Variants in CYP26A1 observed in about 807,000 individuals in gnomAD.
CYP26A1 encodes the protein cytochrome P450 26A1.
Under a neutral mutation model 47.4 loss-of-function variants are expected in CYP26A1, and 46 were observed. The observed-to-expected ratio is 0.97, with a 90% CI of 0.77 to 1.24. The LOEUF is 1.24. Among genes scored for constraint, CYP26A1 ranks in the 50% most tolerant of loss-of-function variants. The pLI is 0.00. For synonymous variants in CYP26A1, 277 were observed against 263.7 expected, an observed-to-expected ratio of 1.05 and a Z score of -0.49; for missense variants, 680 against 644.4, an observed-to-expected ratio of 1.06 and a Z score of -0.60.
At position 93,076,833 on chromosome 10, in the gene CYP26A1, C is replaced by CCA. The variant is rs1325111494; in HGVS notation, c.1153-128_1153-127dup. On this transcript the variant is annotated intron_variant, in intron 6 of 6. Transcript: ENST00000224356. ...GGAGATATGTTTCAGCAACCTGGATCCACCTCTCTCTTTCTACCTCTCCCT... is the reference window on the plus strand; with the variant it reads ...GGAGATATGTTTCAGCAACCTGGATCCACACCTCTCTCTTTCTACCTCTCCCT... 385 of 897,090 alleles carry CCA rather than the reference C, an allele frequency of 4.3e-4. 1 individual carries two copies. The highest frequency in any genetic ancestry group is 5.7e-4 in the Non-Finnish European group (333 of 586,710). 55.6% of individuals were successfully genotyped at this position (897,090 alleles called of 1,614,324 possible). A position where few individuals can be genotyped will look rare whatever the true frequency, so the allele number is the denominator to read the frequency against.
At position 93,074,484 on chromosome 10, in the gene CYP26A1, T is replaced by C. The variant is rs757781951; in HGVS notation, c.366T>C (p.Ser122=). 3 of 1,611,950 alleles carry C rather than the reference T, an allele frequency of 1.9e-6. No individual in the cohort carries two copies. The South Asian group carries it at 3.3e-5, about 18-fold the overall frequency. ...CGTCGGTGCGCACCATTCTGGGATCTGGCTGCCTCTCTAACCTGCACGACT... is the reference window on the plus strand; with the variant it reads ...CGTCGGTGCGCACCATTCTGGGATCCGGCTGCCTCTCTAACCTGCACGACT... The part of the protein sequence containing the change: ...WPASVRTILG[S]GCLSNLHDSS... Residue 122 remains serine, a synonymous_variant, in exon 2 of 7, where the codon TCT becomes TCC. Transcript: ENST00000224356. The surrounding 1 kb of genome is among the most constrained non-coding windows in gnomAD (Gnocchi z 5.3).
In CYP26A1 at chr10:93,075,912, G is replaced by T. The variant is rs1372195320; in HGVS notation, c.951G>T (p.Gly317=). ...SAATSLITYL[G]LYPHVLQKVR... ...CCACATCTCTGATCACTTACCTGGG[G>T]CTCTACCCACATGTTCTCCAGAAAG... The change falls in exon 5 of 7, where the codon GGG becomes GGT. Residue 317 remains glycine (G), a synonymous_variant. Coordinates refer to ENST00000224356, the MANE Select transcript of CYP26A1 (RefSeq NM_000783.4). The T allele has an allele frequency of 8.1e-6, 13 of 1,612,232 alleles. No homozygotes were observed. The South Asian group carries it at 1.4e-4, about 18-fold the overall frequency.
At position 93,077,351 on chromosome 10, in the gene CYP26A1, A is replaced by G. The variant is rs1275931469; in HGVS notation, c.*47A>G. The G allele has an allele frequency of 2.7e-6, 3 of 1,092,864 alleles. No homozygotes were observed. Among genetic ancestry groups the G allele is most frequent in the Non-Finnish European group, 3.8e-6 (3 of 780,012 alleles). The allele number at this position is 1,092,864 out of a possible 1,614,324, so 67.7% of individuals were successfully genotyped here. A position where few individuals can be genotyped will look rare whatever the true frequency, so the allele number is the denominator to read the frequency against. On this transcript the variant is annotated 3_prime_UTR_variant, in exon 7 of 7. Transcript: ENST00000224356. ...GAGACTTATTGGAAGTGTACATATG[A>G]GTTTTTAAGGAGTGTTGTGTTGACT...
In CYP26A1 at chr10:93,074,619, C is replaced by A; in HGVS notation, c.414+87C>A. 1 of 1,098,738 alleles carries A rather than the reference C, an allele frequency of 9.1e-7. No individual in the cohort carries two copies. Among genetic ancestry groups the A allele is most frequent in the Non-Finnish European group, 1.4e-6 (1 of 722,716 alleles). The allele number at this position is 1,098,738 out of a possible 1,614,324, so 68.1% of individuals were successfully genotyped here. On this transcript the variant is annotated intron_variant, in intron 2 of 6. Transcript: ENST00000224356. This position sits in a 1 kb window ranked among gnomAD's most constrained non-coding sequence, Gnocchi z 5.3. ...CTGATGGATGCTAGGCGCGGGCTAG[C>A]AGCTTGAGGTGGGCTAGGACCCTCT...
intron 5 of CYP26A1, chr10:93,076,237 A>C (rs1055485882): frequency 1.3e-5 from 5 of 378,186 alleles, no homozygotes; most frequent in Non-Finnish European, 2.4e-5. Context: ...ACTTTCTTGA[A>C]TTGGTGTGTC....
upstream of CYP26A1, chr10:93,073,625 G>C (rs1425101156): frequency 7.9e-6 from 3 of 381,106 alleles, no homozygotes; most frequent in Non-Finnish European, 9.4e-6. Flanking sequence ...CCGCCGCCTC[G>C]GAGCTCAGCA....
At position 93,077,476 on chromosome 10, in the gene CYP26A1, A is replaced by C. The variant is rs1432402007; in HGVS notation, c.*172A>C. 4 of 386,880 alleles carry C rather than the reference A, an allele frequency of 1.0e-5. No individual in the cohort carries two copies. Among genetic ancestry groups the C allele is most frequent in the African/African-American group, 6.2e-5 (3 of 48,328 alleles). The allele number at this position is 386,880 out of a possible 1,614,324, so 24.0% of individuals were successfully genotyped here. A position where few individuals can be genotyped will look rare whatever the true frequency, so the allele number is the denominator to read the frequency against. ...AATAATGAATTTGTATCATTTCCAA[A>C]TAAAGTAAAATTTGAAGGTACTTTT... On this transcript the variant is annotated 3_prime_UTR_variant, in exon 7 of 7. Transcript: ENST00000224356.
intron 5 of CYP26A1, chr10:93,076,294 G>C: frequency 6.5e-6 from 3 of 459,204 alleles, no homozygotes. Flanking sequence ...GGTGGTGGTG[G>C]TGAGTGTGGG....
chr10:93,074,628 G>A lies in CYP26A1; in HGVS notation c.414+96G>A. ...GCTAGGCGCGGGCTAGCAGCTTGAG[G>A]TGGGCTAGGACCCTCTGCCAGCTCC... On this transcript the variant is annotated intron_variant, in intron 2 of 6. Transcript: ENST00000224356. The surrounding 1 kb of genome is among the most constrained non-coding windows in gnomAD (Gnocchi z 5.3). 1 of 1,074,680 alleles carries A rather than the reference G, an allele frequency of 9.3e-7. No homozygotes were observed. Among genetic ancestry groups the A allele is most frequent in the South Asian group, 1.3e-5 (1 of 75,182 alleles). 66.6% of individuals were successfully genotyped at this position (1,074,680 alleles called of 1,614,324 possible).
chr10:93,075,018 C>G lies in CYP26A1; in HGVS notation c.654C>G (p.Thr218=), dbSNP rs752398996. 6.2e-7 allele frequency: 1 copy of G among 1,613,096 alleles called. No homozygotes were observed. Among genetic ancestry groups the G allele is most frequent in the Non-Finnish European group, 8.5e-7 (1 of 1,180,010 alleles). ...QQLVEAFEEM[T]RNLFSLPIDV... ...TTGTGGAGGCCTTCGAGGAAATGAC[C>G]CGCAATCTCTTCTCGCTGCCCATCG... The change falls in exon 3 of 7, where the codon ACC becomes ACG. Residue 218 remains threonine, a synonymous_variant. Coordinates refer to ENST00000224356, the MANE Select transcript of CYP26A1 (RefSeq NM_000783.4).
chr10:93,073,832 A>G (rs1846928512), upstream of CYP26A1: 1 of 604,480 alleles, frequency 1.7e-6, no homozygotes, highest in African/African-American at 1.9e-5. Context: ...TTGTCTGACC[A>G]AGGTAACGTG....
Position 93,074,074 on chromosome 10 carries a change from G to A in CYP26A1, c.140G>A (p.Gly47Glu). 6.3e-7 allele frequency: 1 copy of A among 1,586,530 alleles called. No homozygotes were observed. The highest frequency in any genetic ancestry group is 8.6e-7 in the Non-Finnish European group (1 of 1,164,500). Residue 47 changes from glycine to glutamate, a missense_variant, in exon 1 of 7, where the codon GGG becomes GAG. Gly to Glu is a moderately conservative substitution (Grantham distance 98, BLOSUM62 -2). Coordinates refer to ENST00000224356, the MANE Select transcript of CYP26A1 (RefSeq NM_000783.4). The surrounding 1 kb of genome is among the most constrained non-coding windows in gnomAD (Gnocchi z 5.3). ...DRSCALPLPP[G>E]TMGFPFFGET... ...AGTTGTGCCCTCCCATTGCCCCCCG[G>A]GACTATGGGCTTCCCCTTCTTTGGG...
rs1410563271 is a variant in CYP26A1, at chr10:93,075,324, G to C, written c.864+17G>C. On this transcript the variant is annotated intron_variant, in intron 4 of 6. Coordinates refer to ENST00000224356, the MANE Select transcript of CYP26A1 (RefSeq NM_000783.4). Reference sequence around the variant, plus strand: ...GACATGCAGGTGAGTAGCAGCTTCAGACCAGGCACTGCGGAGTTTGGTCCC... The same window carrying C: ...GACATGCAGGTGAGTAGCAGCTTCACACCAGGCACTGCGGAGTTTGGTCCC... 1 of 1,609,342 alleles carries C rather than the reference G, an allele frequency of 6.2e-7. No individual in the cohort carries two copies. Among genetic ancestry groups the C allele is most frequent in the Non-Finnish European group, 8.5e-7 (1 of 1,176,498 alleles).
chr10:93,074,762 C>T lies in CYP26A1; in HGVS notation c.415-17C>T, dbSNP rs199544648. 3.8e-6 allele frequency: 6 copies of T among 1,587,674 alleles called. No homozygotes were observed. The African/African-American group carries it at 8.0e-5, about 21-fold the overall frequency. On this transcript the variant is annotated splice_polypyrimidine_tract_variant and intron_variant, in intron 2 of 6. Transcript: ENST00000224356. This position sits in a 1 kb window ranked among gnomAD's most constrained non-coding sequence, Gnocchi z 5.3. ...GCGGATGGAGGCTTTTAACGCTGTCCCCTCCTCGGGACTCAGGTGATTATG... is the reference window on the plus strand; with the variant it reads ...GCGGATGGAGGCTTTTAACGCTGTCTCCTCCTCGGGACTCAGGTGATTATG...
At position 93,074,803 on chromosome 10, in the gene CYP26A1, G is replaced by A. The variant is rs917140904; in HGVS notation, c.439G>A (p.Glu147Lys). The A allele has an allele frequency of 1.2e-6, 2 of 1,607,306 alleles. No homozygotes were observed. Among genetic ancestry groups the A allele is most frequent in the African/African-American group, 1.3e-5 (1 of 75,046 alleles). The part of the protein sequence containing the change: ...KKVIMRAFSR[E>K]ALECYVPVIT... ...GGTGATTATGCGGGCCTTCAGCCGCGAGGCACTCGAATGCTACGTGCCGGT... is the reference window on the plus strand; with the variant it reads ...GGTGATTATGCGGGCCTTCAGCCGCAAGGCACTCGAATGCTACGTGCCGGT... The change falls in exon 3 of 7, where the codon GAG becomes AAG. Residue 147 changes from glutamate to lysine, a missense_variant. Coordinates refer to ENST00000224356, the MANE Select transcript of CYP26A1 (RefSeq NM_000783.4). This position sits in a 1 kb window ranked among gnomAD's most constrained non-coding sequence, Gnocchi z 5.3.
chr10:93,075,974 G>C lies in CYP26A1; in HGVS notation c.999+14G>C. The C allele has an allele frequency of 6.2e-7, 1 of 1,607,248 alleles. No individual in the cohort carries two copies. The highest frequency in any genetic ancestry group is 2.2e-5 in the East Asian group (1 of 44,824). ...CTGAAGAGTAAGGTAGGGAGACTGG[G>C]TCTGGGGGTGTCCTTATTAGCTTAG... On this transcript the variant is annotated intron_variant, in intron 5 of 6. Coordinates refer to ENST00000224356, the MANE Select transcript of CYP26A1 (RefSeq NM_000783.4).
Position 93,074,757 on chromosome 10 carries a change from C to A in CYP26A1, c.415-22C>A. 2 of 1,581,882 alleles carry A rather than the reference C, an allele frequency of 1.3e-6. No individual in the cohort carries two copies. Among genetic ancestry groups the A allele is most frequent in the South Asian group, 1.1e-5 (1 of 88,530 alleles). Reference sequence around the variant, plus strand: ...GAGGGGCGGATGGAGGCTTTTAACGCTGTCCCCTCCTCGGGACTCAGGTGA... The same window carrying A: ...GAGGGGCGGATGGAGGCTTTTAACGATGTCCCCTCCTCGGGACTCAGGTGA... On this transcript the variant is annotated intron_variant, in intron 2 of 6. Coordinates refer to ENST00000224356, the MANE Select transcript of CYP26A1 (RefSeq NM_000783.4). The surrounding 1 kb of genome is among the most constrained non-coding windows in gnomAD (Gnocchi z 5.3).
chr10:93,077,324 C>T lies in CYP26A1; in HGVS notation c.*20C>T. ...ATCTGATGAGCTTGAATGTTCAAAC[C>T]TGAGACTTATTGGAAGTGTACATAT... is the stretch of plus-strand genomic sequence containing the variant. On this transcript the variant is annotated 3_prime_UTR_variant, in exon 7 of 7. Coordinates refer to ENST00000224356, the MANE Select transcript of CYP26A1 (RefSeq NM_000783.4). The T allele has an allele frequency of 7.1e-7, 1 of 1,416,356 alleles. No homozygotes were observed. The highest frequency in any genetic ancestry group is 1.4e-5 in the South Asian group (1 of 71,936). The allele number at this position is 1,416,356 out of a possible 1,614,324, so 87.7% of individuals were successfully genotyped here. A position where few individuals can be genotyped will look rare whatever the true frequency, so the allele number is the denominator to read the frequency against.
At chr10:93,073,870 G>A (rs1165889321), upstream of CYP26A1, 7 of 651,456 alleles carry the variant, frequency 1.1e-5, no homozygotes, top group Admixed American at 5.1e-5. Context: ...CCTATAAAGC[G>A]GCAGCGCCGT....
Sources: allele counts gnomAD v4.1 joint callset, GRCh38; gene constraint gnomAD v4.1.1; non-coding constraint Gnocchi (gnomAD v3.1); transcripts MANE v1.5; gene names NCBI Gene and HGNC (gene_info 2026-07-23, HGNC 2026-07-21).